Variants in UBE2F observed in about 807,000 individuals in gnomAD.
UBE2F encodes the protein NEDD8-conjugating enzyme UBE2F.
In UBE2F, 5 loss-of-function variants were observed where a neutral mutation model predicts 29.6. The observed-to-expected ratio is 0.17, with a 90% CI of 0.09 to 0.36. The LOEUF is 0.36. UBE2F is among the 10% of genes least tolerant of loss of function. The probability of loss-of-function intolerance (pLI) is 1.00; values close to 1 mark genes in which losing one functional copy is unlikely to be tolerated. For synonymous variants in UBE2F, 66 were observed against 81.8 expected (o/e 0.81, Z 1.04); for missense variants, 141 against 228.5 (o/e 0.62, Z 2.47).
chr2:238,025,019 C>T (rs1043100727), intron 5 of UBE2F, among the ~76,000 whole-genome samples: 1 of 152,190 alleles, frequency 6.6e-6, no homozygotes. Context: ...CAGTCCCAAA[C>T]CCAGGGGGTG....
intron 4 of UBE2F, among the ~76,000 whole-genome samples, chr2:238,000,114 G>T (rs931828323): frequency 6.6e-6 from 1 of 152,096 alleles, no homozygotes; most frequent in African/African-American, 2.4e-5. Context: ...GAGCCACTGC[G>T]CCCAGCCCAG....
At chr2:238,009,653 C>T (rs138902345) in intron 4 of UBE2F, among the ~76,000 whole-genome samples, 9 of 152,314 alleles carry the variant, frequency 5.9e-5, no homozygotes, top group Non-Finnish European at 1.3e-4. Context: ...GTCTGCAGCC[C>T]TGCATCCCAG....
chr2:237,996,650 A>G (rs1328792675), intron 4 of UBE2F, among the ~76,000 whole-genome samples: 5 of 151,560 alleles, frequency 3.3e-5, no homozygotes, highest in Admixed American at 2.6e-4. Flanking sequence ...TAATTTTTGT[A>G]TTTTTAGTAG....
At chr2:238,031,158 A>G (rs1387257713) in intron 7 of UBE2F, among the ~76,000 whole-genome samples, 1 of 152,214 alleles carries the variant, frequency 6.6e-6, no homozygotes, top group Non-Finnish European at 1.5e-5. Flanking sequence ...AGTCTCTGCC[A>G]CCATGGGCAG....
chr2:237,979,233 T>A (rs2106331349), intron 2 of UBE2F, among the ~76,000 whole-genome samples: 1 of 152,324 alleles, frequency 6.6e-6, no homozygotes, highest in African/African-American at 2.4e-5. Flanking sequence ...GTTTCTAACC[T>A]TCTCTTGTTT....
intron 1 of UBE2F, among the ~76,000 whole-genome samples, chr2:237,970,022 A>G (rs1283796279): frequency 6.6e-6 from 1 of 152,108 alleles, no homozygotes; most frequent in Non-Finnish European, 1.5e-5. Flanking sequence ...AATTGCCCAT[A>G]TTTAAATTGT....
Position 238,041,384 on chromosome 2 carries a change from T to A in UBE2F, c.*46T>A. On this transcript the variant is annotated 3_prime_UTR_variant, in exon 10 of 10. Transcript: ENST00000272930. Reference sequence around the variant, plus strand: ...CCCATGGACTGTGTTACAGTTTGTCTCTAACATGAAACAGCAAGAGGTAGC... The same window carrying A: ...CCCATGGACTGTGTTACAGTTTGTCACTAACATGAAACAGCAAGAGGTAGC... 1 of 1,605,826 alleles carries A rather than the reference T, an allele frequency of 6.2e-7. No individual in the cohort carries two copies. Among genetic ancestry groups the A allele is most frequent in the Non-Finnish European group, 8.5e-7 (1 of 1,173,400 alleles).
chr2:237,991,611 T>TTC (rs1178346590), intron 3 of UBE2F, among the ~76,000 whole-genome samples: 2 of 108,466 alleles, frequency 1.8e-5, no homozygotes, highest in Admixed American at 9.8e-5. Context: ...CTTTCTTTCT[T>TTC]TTTTTTTTTT....
rs2064811934 is a variant in UBE2F, at chr2:238,040,296, T to C, written c.508-992T>C. ...AGGGCATCGCGGCAGCAGCGAGGTA[T>C]ACATCGAGTGCCAGGTTATACCCTG... On this transcript the variant is annotated intron_variant, in intron 9 of 9. Coordinates refer to ENST00000272930, the MANE Select transcript of UBE2F (RefSeq NM_080678.3). This position sits in a 1 kb window ranked among gnomAD's most constrained non-coding sequence, Gnocchi z 4.4. Among the ~76,000 whole-genome samples, 1 of 152,200 alleles carries C rather than the reference T, an allele frequency of 6.6e-6. No homozygotes were observed. Among genetic ancestry groups the C allele is most frequent in the Admixed American group, 6.5e-5 (1 of 15,288 alleles).
intron 4 of UBE2F, among the ~76,000 whole-genome samples, chr2:238,008,482 C>G (rs2106372725): frequency 6.6e-6 from 1 of 152,258 alleles, no homozygotes; most frequent in Middle Eastern, 3.4e-3. Context: ...ATCATCTTAT[C>G]CTATCCTTTT....
intron 9 of UBE2F, among the ~76,000 whole-genome samples, chr2:238,036,751 G>A (rs959449224): frequency 9.9e-5 from 15 of 152,284 alleles, no homozygotes; most frequent in Admixed American, 2.6e-4. Flanking sequence ...GCTTGTGCCC[G>A]GGAAGTTGAG....
In UBE2F at chr2:237,967,115, C is replaced by T. The variant is rs2063070349; in HGVS notation, c.-34C>T. 1 of 1,340,800 alleles carries T rather than the reference C, an allele frequency of 7.5e-7. No homozygotes were observed. Among genetic ancestry groups the T allele is most frequent in the South Asian group, 1.7e-5 (1 of 57,342 alleles). 83.1% of individuals were successfully genotyped at this position (1,340,800 alleles called of 1,614,324 possible). Reference sequence around the variant, plus strand: ...GTGTTGGGCGCCGGGCCCGCCTCGCCTGTCTCGGGGAGCCCAGGTGAGGAG... The same window carrying T: ...GTGTTGGGCGCCGGGCCCGCCTCGCTTGTCTCGGGGAGCCCAGGTGAGGAG... On this transcript the variant is annotated 5_prime_UTR_variant, in exon 1 of 10. Coordinates refer to ENST00000272930, the MANE Select transcript of UBE2F (RefSeq NM_080678.3). This position sits in a 1 kb window ranked among gnomAD's most constrained non-coding sequence, Gnocchi z 6.3.
intron 3 of UBE2F, among the ~76,000 whole-genome samples, chr2:237,991,993 C>T (rs2063601439): frequency 6.6e-6 from 1 of 152,048 alleles, no homozygotes; most frequent in East Asian, 1.9e-4. Context: ...GCCTCCCCCT[C>T]AGCTGGGATT....
chr2:237,989,465 G>T (rs560657726), intron 3 of UBE2F, among the ~76,000 whole-genome samples: 1 of 152,132 alleles, frequency 6.6e-6, no homozygotes, highest in African/African-American at 2.4e-5. Context: ...TGATTCTTGC[G>T]CCTCAGCCTC....
At chr2:237,994,488 G>A (rs1490382209) in intron 3 of UBE2F, among the ~76,000 whole-genome samples, 1 of 152,176 alleles carries the variant, frequency 6.6e-6, no homozygotes, top group Non-Finnish European at 1.5e-5. Context: ...CTTAAAGGTT[G>A]AAGGAAAACA....
intron 4 of UBE2F, among the ~76,000 whole-genome samples, chr2:238,013,135 T>G (rs1215768024): frequency 6.6e-6 from 1 of 152,094 alleles, no homozygotes. Flanking sequence ...CTGGGCGTGG[T>G]GGCACACACC....
chr2:238,033,946 A>G (rs1033624295), intron 8 of UBE2F, among the ~76,000 whole-genome samples: 2 of 152,150 alleles, frequency 1.3e-5, no homozygotes, highest in African/African-American at 4.8e-5. Flanking sequence ...TGATTGAGAG[A>G]GCCAAAGCTG....
At chr2:237,972,237 T>C (rs1326653949) in intron 1 of UBE2F, among the ~76,000 whole-genome samples, 5 of 152,240 alleles carry the variant, frequency 3.3e-5, no homozygotes, top group Non-Finnish European at 7.3e-5. Context: ...ATCCACACCT[T>C]TATTAAAAGA....
intron 4 of UBE2F, among the ~76,000 whole-genome samples, chr2:238,012,124 G>A (rs938741004): frequency 1.3e-5 from 2 of 149,426 alleles, no homozygotes; most frequent in Non-Finnish European, 3.0e-5. Flanking sequence ...ACTCAAGCAA[G>A]CCACCTGCCT....
Sources: allele counts gnomAD v4.1 joint callset (sites outside exome capture counted in the v4.1 genomes callset), GRCh38; gene constraint gnomAD v4.1.1; non-coding constraint Gnocchi (gnomAD v3.1); transcripts MANE v1.5; gene names NCBI Gene and HGNC (gene_info 2026-07-23, HGNC 2026-07-21).